The following HLA-DQB1 variants were observed in gnomAD, a reference collection of about 807,000 sequenced individuals.
The protein encoded by HLA-DQB1 is major histocompatibility complex, class II, DQ beta 1, also known as HLA class II histocompatibility antigen, DQ beta 1 chain.
In HLA-DQB1, 13 loss-of-function variants were observed where a neutral mutation model predicts 26.4. The ratio of observed to expected loss-of-function variants is 0.49; its 90% CI spans 0.32 to 0.78. The LOEUF (loss-of-function observed/expected upper bound fraction) is 0.78, where lower values mean the gene tolerates loss of function less well. Among genes scored for constraint, HLA-DQB1 ranks in the 30% least tolerant of loss-of-function variants. HLA-DQB1 has a pLI of 0.03. For missense variants in HLA-DQB1, 158 were observed against 326.2 expected, an observed-to-expected ratio of 0.48 and a Z score of 3.97; for synonymous variants, 60 against 129.1, an observed-to-expected ratio of 0.46 and a Z score of 3.63.
exon 3 of HLA-DQB1, chr6:32,662,144 G>A (rs760326072): frequency 3.4e-6 from 5 of 1,461,972 alleles, no homozygotes; most frequent in Non-Finnish European, 2.8e-6. Context: ...CGAAACCACC[G>A]GACTTTGATC....
chr6:32,663,487 ACATC>A (rs1783430368), intron 2 of HLA-DQB1: 1 of 110,694 alleles, frequency 9.0e-6, no homozygotes, highest in Admixed American at 1.1e-4. Context: ...ACAAGGCCTT[ACATC>A]CCTTAGACTC....
chr6:32,661,887 A>T (rs281864190), intron 3 of HLA-DQB1, 80 bp downstream of exon 3: 1 of 1,068,096 alleles, frequency 9.4e-7, no homozygotes, highest in Non-Finnish European at 1.4e-6. Context: ...GACATCAGGG[A>T]TAAGAGATGG....
rs9273901 is a variant in HLA-DQB1, at chr6:32,661,935, C to G, written c.661+32G>C. The G allele has an allele frequency of 2.4e-5, 33 of 1,373,658 alleles. 1 individual carries two copies. Among genetic ancestry groups the G allele is most frequent in the Admixed American group, 6.8e-5 (3 of 44,010 alleles). 85.1% of individuals were successfully genotyped at this position (1,373,658 alleles called of 1,614,324 possible). ...CAGAAGGAGCTCTTTGTCTTGTGGG[C>G]CCATAGTAACAGAAACTCAATATCC... On this transcript the variant is annotated intron_variant, in intron 3 of 4. Coordinates refer to ENST00000434651, the Ensembl canonical transcript of HLA-DQB1.
Position 32,664,947 on chromosome 6 carries a change from C to CT in HLA-DQB1, c.229_230insA (p.Gly77GlufsTer13). 7.5e-7 allele frequency: 1 copy of CT among 1,339,676 alleles called. No homozygotes were observed. The highest frequency in any genetic ancestry group is 1.8e-5 in the Admixed American group (1 of 56,100). The allele number at this position is 1,339,676 out of a possible 1,614,324, so 83.0% of individuals were successfully genotyped here. On this transcript the variant is annotated frameshift_variant, in exon 2 of 5. Transcript: ENST00000434651. LOFTEE classifies it high-confidence loss of function. ...CTGCGGCGTCACCGCGCGGTACACCCCCACGTCGCTGTCGAAGCGCGCGTA... is the reference window on the plus strand; with the variant it reads ...CTGCGGCGTCACCGCGCGGTACACCCTCCACGTCGCTGTCGAAGCGCGCGTA...
chr6:32,662,001 G>T (rs9273932), exon 3 of HLA-DQB1: 14 of 1,548,414 alleles, frequency 9.0e-6, no homozygotes, highest in Non-Finnish European at 1.2e-5. Context: ...GGAGGCTGGG[G>T]TGCTCCACGT....
At chr6:32,661,525 G>C (rs9273707) in intron 3 of HLA-DQB1, 68 bp from the exon 4 acceptor site, 1 of 966,968 alleles carries the variant, frequency 1.0e-6, no homozygotes, top group Non-Finnish European at 1.5e-6. Context: ...AGGAGTTGAA[G>C]TCCAGTCTGA....
At chr6:32,664,229 T>G (rs9274306) in intron 2 of HLA-DQB1, 3,126 of 92,808 alleles carry the variant, frequency 0.034, 1,152 homozygotes, top group East Asian at 0.32. Context: ...TCTCCGCCAT[T>G]AGTGGTAGCC....
At chr6:32,661,761 C>T in intron 3 of HLA-DQB1, 1 of 524,226 alleles carries the variant, frequency 1.9e-6, no homozygotes. Context: ...TTCAGAGCAA[C>T]AGTATGTAGA....
At chr6:32,661,920 T>TCTTCC in intron 3 of HLA-DQB1, 47 bp downstream of exon 3, 1 of 1,214,388 alleles carries the variant, frequency 8.2e-7, no homozygotes, top group Non-Finnish European at 1.2e-6. Flanking sequence ...CAGAAGGAGC[T>TCTTCC]CTTTGTCTTG....
chr6:32,661,831 T>C lies in HLA-DQB1; in HGVS notation c.661+136A>G, dbSNP rs1783077983. On this transcript the variant is annotated intron_variant, in intron 3 of 4. Coordinates refer to ENST00000434651, the Ensembl canonical transcript of HLA-DQB1. The stretch of plus-strand genomic sequence containing the variant: ...CAGGATTCTTCTGATGCACTTGCCA[T>C]GGAGCAAGAGGTGCTCTAGTCTCCT... The C allele has an allele frequency of 1.4e-6, 1 of 724,972 alleles. No individual in the cohort carries two copies. The highest frequency in any genetic ancestry group is 2.0e-5 in the South Asian group (1 of 49,404). 44.9% of individuals were successfully genotyped at this position (724,972 alleles called of 1,614,324 possible).
chr6:32,663,653 G>A (rs9274257), intron 2 of HLA-DQB1: 110,897 of 145,656 alleles, frequency 0.76, 42,642 homozygotes, highest in East Asian at 0.91. Flanking sequence ...TGCACAGGTA[G>A]CTGTGAGATT....
intron 2 of HLA-DQB1, chr6:32,664,547 A>G (rs28746785): frequency 0.017 from 3,207 of 190,028 alleles, 641 homozygotes; most frequent in Admixed American, 0.043. Context: ...AGAGCGGAGG[A>G]CGAGGCCGAC....
intron 4 of HLA-DQB1, chr6:32,660,830 C>A (rs1407465069): frequency 1.5e-6 from 2 of 1,327,706 alleles, no homozygotes; most frequent in Non-Finnish European, 1.0e-6. Flanking sequence ...CCTGTGCCTC[C>A]CCACACTGGA....
intron 4 of HLA-DQB1, 135 bp downstream of exon 4, chr6:32,661,212 C>T: frequency 2.0e-6 from 1 of 499,324 alleles, no homozygotes; most frequent in Non-Finnish European, 3.5e-6. Flanking sequence ...ATTCCAATGC[C>T]TCCTCCCATC....
rs779360470 is a variant in HLA-DQB1, at chr6:32,660,140, G to T, written c.*96C>A. The stretch of plus-strand genomic sequence containing the variant: ...GCCACTGTAGGACTTTGATCTCAGG[G>T]GGACAAGCTGACACAGGCAGCTGGG... On this transcript the variant is annotated 3_prime_UTR_variant, in exon 5 of 5. Transcript: ENST00000434651. The T allele has an allele frequency of 1.5e-5, 9 of 597,538 alleles. 2 individuals carry two copies. The highest frequency in any genetic ancestry group is 2.5e-5 in the Non-Finnish European group (9 of 358,216). The allele number at this position is 597,538 out of a possible 1,614,324, so 37.0% of individuals were successfully genotyped here.
chr6:32,663,672 T>C (rs71542455), intron 2 of HLA-DQB1: 27,347 of 118,500 alleles, frequency 0.23, 2,642 homozygotes, highest in South Asian at 0.29. Flanking sequence ...TTAAATGACA[T>C]AACATAGATG....
rs9273548 is a variant in HLA-DQB1 at position 32,661,068 on chromosome 6, G to T, written c.772+279C>A. 1.5e-5 allele frequency among the ~76,000 whole-genome samples: 2 copies of T among 133,472 alleles called. 1 individual carries two copies. Among genetic ancestry groups the T allele is most frequent in the Admixed American group, 1.7e-4 (2 of 11,994 alleles). The allele number at this position is 133,472 out of a possible 152,430, so 87.6% of individuals were successfully genotyped here. A position where few individuals can be genotyped will look rare whatever the true frequency, so the allele number is the denominator to read the frequency against. ...ATTGTCACTAGAAAGAAAGGAAGCTGAGGCTCTGACCCTCTTAATGGAGGA... is the reference window on the plus strand; with the variant it reads ...ATTGTCACTAGAAAGAAAGGAAGCTTAGGCTCTGACCCTCTTAATGGAGGA... On this transcript the variant is annotated intron_variant, in intron 4 of 4. Coordinates refer to ENST00000434651, the Ensembl canonical transcript of HLA-DQB1.
At chr6:32,665,005 G>C (rs12722115) in exon 2 of HLA-DQB1, 268,030 of 1,293,480 alleles carry the variant, frequency 0.21, 55,233 homozygotes, top group African/African-American at 0.3. Flanking sequence ...CTGGTCACAA[G>C]ACGCACGCGC....
At chr6:32,660,444 G>A (rs9273491) in intron 4 of HLA-DQB1, 195 bp from the exon 5 acceptor site, 4,340 of 320,612 alleles carry the variant, frequency 0.014, 83 homozygotes, top group Admixed American at 0.039. Flanking sequence ...TGATGCAGAT[G>A]TGTGGGAGGT....
Sources: gnomAD v4.1 joint callset for allele counts (sites outside exome capture counted in the v4.1 genomes callset) on GRCh38, gnomAD v4.1.1 for gene constraint, MANE v1.5 for transcripts, NCBI Gene and HGNC (gene_info 2026-07-23, HGNC 2026-07-21) for gene names.